The following SMCO4 variants were observed in gnomAD, a reference collection of about 807,000 sequenced individuals.
SMCO4 encodes single-pass membrane protein with coiled-coil domains 4.
SMCO4 carries 4 observed loss-of-function variants against 3.6 expected under a neutral mutation model. The ratio of observed to expected loss-of-function variants is 1.11; its 90% CI spans 0.54 to 2.53. The LOEUF (loss-of-function observed/expected upper bound fraction) is 2.53. SMCO4 is among the 30% of genes most tolerant of loss of function. The pLI, the probability that SMCO4 is intolerant of heterozygous loss-of-function variation, is 0.02. For synonymous variants in SMCO4, 36 were observed against 35.3 expected (o/e 1.02, Z -0.07); for missense variants, 70 against 80.8 (o/e 0.87, Z 0.51).
chr11:93,482,833 A>G (rs1164291779), intron 2 of SMCO4, among the ~76,000 whole-genome samples: 3 of 152,202 alleles, frequency 2.0e-5, no homozygotes, highest in Non-Finnish European at 4.4e-5. Context: ...CCAGCACGCC[A>G]AACAGCACCA....
chr11:93,541,175 T>C (rs903861849), intron 1 of SMCO4, among the ~76,000 whole-genome samples: 9 of 152,228 alleles, frequency 5.9e-5, no homozygotes, highest in African/African-American at 1.9e-4. Context: ...ACTTCAATGC[T>C]GTGATGGCCC....
intron 1 of SMCO4, among the ~76,000 whole-genome samples, chr11:93,531,705 ACAGTTTTAAAAAAAGG>A (rs1949164480): frequency 6.6e-6 from 1 of 152,130 alleles, no homozygotes; most frequent in South Asian, 2.1e-4. Flanking sequence ...GTTTTTTGCC[ACAGTTTTAAAAAAAGG>A]CAGTTGTGAA....
rs141230765 is a variant in SMCO4 at position 93,479,129 on chromosome 11, G to C, written c.61C>G (p.Gln21Glu). The change falls in exon 3 of 3, where the codon CAA (glutamine) becomes GAA (glutamate). Residue 21 changes from glutamine to glutamate, a missense_variant. Physicochemically the swap from Gln to Glu is conservative, Grantham distance 29. Transcript: ENST00000298966. ...ETSKDKKERK[Q>E]AMQEARQQIT... ...TGCTGCCGGGCCTCCTGCATGGCTT[G>C]CTTCCGCTCCTTCTTGTCCTTGGAG... 4 of 1,614,074 alleles carry C rather than the reference G, an allele frequency of 2.5e-6. No individual in the cohort carries two copies. The highest frequency in any genetic ancestry group is 3.4e-6 in the Non-Finnish European group (4 of 1,180,036).
chr11:93,545,991 CAT>C (rs912120224), upstream of SMCO4, among the ~76,000 whole-genome samples: 4 of 152,236 alleles, frequency 2.6e-5, no homozygotes, highest in African/African-American at 4.8e-5. Flanking sequence ...CTCTCAGCCA[CAT>C]GAGTGAGCTC....
intron 1 of SMCO4, among the ~76,000 whole-genome samples, chr11:93,514,374 C>CTATATATATATATATATA (rs148462986): frequency 1.5e-4 from 6 of 39,092 alleles, no homozygotes; most frequent in Admixed American, 3.0e-4. Flanking sequence ...CAGGATGAGG[C>CTATATATATATATATATA]TATATATATA....
chr11:93,542,526 G>C (rs574156972), intron 1 of SMCO4, among the ~76,000 whole-genome samples: 1 of 152,324 alleles, frequency 6.6e-6, no homozygotes, highest in Admixed American at 6.5e-5. Flanking sequence ...ACTGCAGTCT[G>C]AGGTGAATCT....
At chr11:93,482,654 G>A (rs1565371628) in intron 2 of SMCO4, among the ~76,000 whole-genome samples, 1 of 152,340 alleles carries the variant, frequency 6.6e-6, no homozygotes, top group East Asian at 1.9e-4. Context: ...GGTCAACTGT[G>A]AGAAGACAGA....
intron 2 of SMCO4, among the ~76,000 whole-genome samples, chr11:93,483,534 G>C (rs1456556431): frequency 6.6e-6 from 1 of 152,182 alleles, no homozygotes; most frequent in Admixed American, 6.5e-5. Context: ...GGTGGAGGGA[G>C]CACTCCAGAG....
intron 1 of SMCO4, among the ~76,000 whole-genome samples, chr11:93,540,753 A>C (rs1565392636): frequency 6.6e-6 from 1 of 152,156 alleles, no homozygotes; most frequent in Non-Finnish European, 1.5e-5. Context: ...GACGATTATG[A>C]TTTTTATCAA....
rs202058974 is a variant in SMCO4 at position 93,479,030 on chromosome 11, G to A, written c.160C>T (p.Arg54Cys). The stretch of plus-strand genomic sequence containing the variant: ...GGGGCTCACTCGGTGATGGTGGGGC[G>A]CGTGGCCACGTACACAAACACCACG... ...LIVVFVYVAT[R>C]PTITE The change falls in exon 3 of 3, where the codon CGC becomes TGC. Residue 54 changes from arginine (R) to cysteine (C), a missense_variant. Physicochemically the swap from Arg to Cys is radical, Grantham distance 180. Transcript: ENST00000298966. 4.2e-5 allele frequency: 68 copies of A among 1,609,204 alleles called. No individual in the cohort carries two copies. Among genetic ancestry groups the A allele is most frequent in the South Asian group, 6.6e-5 (6 of 90,976 alleles).
chr11:93,530,450 T>C (rs1186705711), intron 1 of SMCO4, among the ~76,000 whole-genome samples: 1 of 152,146 alleles, frequency 6.6e-6, no homozygotes, highest in Admixed American at 6.5e-5. Flanking sequence ...AAAACCTGCC[T>C]AGAAACAGCT....
At chr11:93,542,412 C>T (rs577838505) in intron 1 of SMCO4, among the ~76,000 whole-genome samples, 4 of 152,118 alleles carry the variant, frequency 2.6e-5, no homozygotes, top group Non-Finnish European at 5.9e-5. Context: ...TGACAGCTCC[C>T]GGAGATAGTT....
intron 1 of SMCO4, among the ~76,000 whole-genome samples, chr11:93,525,663 A>G (rs778232723): frequency 9.2e-5 from 14 of 152,084 alleles, no homozygotes; most frequent in Non-Finnish European, 1.9e-4. Flanking sequence ...TTGCTGCCAA[A>G]CTCCTGGGCA....
At chr11:93,515,164 A>C (rs766629802) in intron 1 of SMCO4, among the ~76,000 whole-genome samples, 10 of 152,214 alleles carry the variant, frequency 6.6e-5, no homozygotes, top group Non-Finnish European at 1.3e-4. Flanking sequence ...ATCAAGAGCC[A>C]TTCATTCATT....
In SMCO4 at chr11:93,516,695, C is replaced by G. The variant is rs543887450; in HGVS notation, c.-153-17347G>C. Among the ~76,000 whole-genome samples the G allele has an allele frequency of 5.9e-5, 9 of 151,968 alleles. No individual in the cohort carries two copies. In the South Asian group the frequency reaches 1.2e-3, roughly 21 times the overall value. On this transcript the variant is annotated intron_variant, in intron 1 of 2. Transcript: ENST00000298966. ...GTCCCAGCTACCCGGGAGGCTGAGGCAGGAGAATCGCCTGAACCCAGGAGG... is the reference window on the plus strand; with the variant it reads ...GTCCCAGCTACCCGGGAGGCTGAGGGAGGAGAATCGCCTGAACCCAGGAGG...
chr11:93,523,183 C>T (rs181879101), intron 1 of SMCO4, among the ~76,000 whole-genome samples: 1 of 152,140 alleles, frequency 6.6e-6, no homozygotes. Context: ...TGCCTGTAAT[C>T]CCAGCACTTT....
chr11:93,547,931 A>T (rs1487317150), upstream of SMCO4, among the ~76,000 whole-genome samples: 2 of 152,160 alleles, frequency 1.3e-5, no homozygotes, highest in Admixed American at 6.5e-5. Flanking sequence ...TTGAGGGATA[A>T]ATTATGCAAG....
rs143456005 is a variant in SMCO4, at chr11:93,498,362, A to C, written c.-81+914T>G. Among the ~76,000 whole-genome samples the C allele has an allele frequency of 3.3e-3, 503 of 152,364 alleles. 1 individual carries two copies. The highest frequency in any genetic ancestry group is 0.012 in the African/African-American group (484 of 41,586). On this transcript the variant is annotated intron_variant, in intron 2 of 2. Transcript: ENST00000298966. ...GGGAGGTGGGTTAAGACACAAAGTCACTGAGTGAAGCAGTCGAGAGCATGG... is the reference window on the plus strand; with the variant it reads ...GGGAGGTGGGTTAAGACACAAAGTCCCTGAGTGAAGCAGTCGAGAGCATGG...
At chr11:93,522,470 T>G (rs1047818546) in intron 1 of SMCO4, among the ~76,000 whole-genome samples, 2 of 152,234 alleles carry the variant, frequency 1.3e-5, no homozygotes, top group African/African-American at 4.8e-5. Context: ...ACACAAGACC[T>G]GTGGTAGCCA....
Sources: gnomAD v4.1 joint callset for allele counts (sites outside exome capture counted in the v4.1 genomes callset) on GRCh38, gnomAD v4.1.1 for gene constraint, MANE v1.5 for transcripts, NCBI Gene and HGNC (gene_info 2026-07-23, HGNC 2026-07-21) for gene names.